The following OPCML variants were observed in gnomAD, a reference collection of about 807,000 sequenced individuals.
The protein encoded by OPCML is opioid binding protein/cell adhesion molecule like.
A neutral mutation model predicts 37.8 loss-of-function variants in OPCML; 13 were observed. The ratio of observed to expected loss-of-function variants is 0.34; its 90% CI spans 0.22 to 0.55. The LOEUF (loss-of-function observed/expected upper bound fraction) is 0.55. OPCML is among the 20% of genes least tolerant of loss of function. The pLI, the probability that OPCML is intolerant of heterozygous loss-of-function variation, is 0.91. For missense variants in OPCML, 341 were observed against 435.6 expected (o/e 0.78, Z 1.93); for synonymous variants, 176 against 168.8 (o/e 1.04, Z -0.33).
intron 1 of OPCML, among the ~76,000 whole-genome samples, chr11:133,110,739 C>T (rs772789517): frequency 1.3e-5 from 2 of 152,102 alleles, no homozygotes; most frequent in African/African-American, 4.8e-5. Flanking sequence ...TTTTTCCTAC[C>T]CCCAAACTTC....
intron 1 of OPCML, among the ~76,000 whole-genome samples, chr11:133,035,200 C>A (rs1233799546): frequency 6.6e-6 from 1 of 152,216 alleles, no homozygotes; most frequent in African/African-American, 2.4e-5. Flanking sequence ...GGAGGGTGTG[C>A]CGGGCGGCTT....
intron 2 of OPCML, among the ~76,000 whole-genome samples, chr11:132,914,318 A>G (rs563198854): frequency 3.3e-5 from 5 of 152,300 alleles, no homozygotes; most frequent in Admixed American, 2.0e-4. Context: ...TCCATTCTGA[A>G]CTTGGTAACA....
chr11:132,776,559 T>A (rs191646608), intron 2 of OPCML, among the ~76,000 whole-genome samples: 1 of 152,040 alleles, frequency 6.6e-6, no homozygotes. Context: ...TTTCAAAGAA[T>A]GTAGCACTTC....
chr11:133,067,976 T>C (rs2137003337), intron 1 of OPCML: 1 of 152,360 alleles, frequency 6.6e-6, no homozygotes, highest in South Asian at 2.1e-4. Flanking sequence ...ATCATTGCTA[T>C]TTTCTTCTCT....
intron 1 of OPCML, among the ~76,000 whole-genome samples, chr11:133,153,065 G>A (rs934856967): frequency 6.6e-6 from 1 of 152,152 alleles, no homozygotes; most frequent in Admixed American, 6.5e-5. Flanking sequence ...AAGGGGCACC[G>A]CGAGGGTCTT....
chr11:132,694,342 G>T (rs1299517454), intron 2 of OPCML, among the ~76,000 whole-genome samples: 1 of 151,870 alleles, frequency 6.6e-6, no homozygotes, highest in Non-Finnish European at 1.5e-5. Context: ...GGGACTACTG[G>T]TGCGTGCCAC....
chr11:132,672,187 G>C (rs1942505239), intron 2 of OPCML, among the ~76,000 whole-genome samples: 2 of 152,140 alleles, frequency 1.3e-5, no homozygotes, highest in African/African-American at 4.8e-5. Context: ...CAGGTACAAA[G>C]AGAAGGGTCC....
chr11:132,846,012 C>A (rs896380270), intron 2 of OPCML, among the ~76,000 whole-genome samples: 1 of 152,136 alleles, frequency 6.6e-6, no homozygotes, highest in Non-Finnish European at 1.5e-5. Context: ...TGAGAGCAAT[C>A]CCCCAGTCAC....
At chr11:133,493,764 C>T (rs1016358569) in intron 1 of OPCML, among the ~76,000 whole-genome samples, 17 of 151,966 alleles carry the variant, frequency 1.1e-4, no homozygotes, top group African/African-American at 4.1e-4. Flanking sequence ...ACATGAAGTC[C>T]CTGCCCATGC....
In OPCML at chr11:132,715,117, T is replaced by C. The variant is rs148906796; in HGVS notation, c.147-57798A>G. Among the ~76,000 whole-genome samples the C allele has an allele frequency of 6.3e-3, 960 of 152,314 alleles. 9 individuals carry two copies. The highest frequency in any genetic ancestry group is 0.022 in the African/African-American group (907 of 41,572). ...GCAGGAACTGTGACTCCACTGCTCC[T>C]CACTCTTATTTGACCTCATTCCTCC... On this transcript the variant is annotated intron_variant, in intron 2 of 7. Coordinates refer to ENST00000524381, the MANE Select transcript of OPCML (RefSeq NM_001012393.5).
At chr11:132,769,272 C>T (rs1385209760) in intron 2 of OPCML, among the ~76,000 whole-genome samples, 4 of 149,386 alleles carry the variant, frequency 2.7e-5, no homozygotes, top group Non-Finnish European at 3.0e-5. Context: ...GAGTCTCGCT[C>T]TGTTGCCCAG....
At chr11:133,333,090 G>A (rs557048451) in intron 1 of OPCML, among the ~76,000 whole-genome samples, 18 of 152,094 alleles carry the variant, frequency 1.2e-4, no homozygotes, top group African/African-American at 3.6e-4. Flanking sequence ...ACAGAGTCTC[G>A]TTTTGTTACC....
chr11:133,286,953 G>A (rs1412582145), intron 1 of OPCML, among the ~76,000 whole-genome samples: 1 of 152,166 alleles, frequency 6.6e-6, no homozygotes, highest in South Asian at 2.1e-4. Context: ...AAGGGCAAGG[G>A]CAAGATCTTG....
intron 2 of OPCML, among the ~76,000 whole-genome samples, chr11:132,714,418 G>A (rs1944389635): frequency 6.6e-6 from 1 of 152,196 alleles, no homozygotes; most frequent in African/African-American, 2.4e-5. Context: ...AGAGTAGAAA[G>A]TTCACACTTA....
At chr11:132,949,566 T>A (rs1456511468) in intron 1 of OPCML, among the ~76,000 whole-genome samples, 1 of 152,244 alleles carries the variant, frequency 6.6e-6, no homozygotes, top group African/African-American at 2.4e-5. Context: ...GGACATTATC[T>A]GCCTTATAGT....
intron 2 of OPCML, among the ~76,000 whole-genome samples, chr11:132,852,811 G>A (rs1941872815): frequency 6.6e-6 from 1 of 151,812 alleles, no homozygotes. Context: ...TATGGTGGGT[G>A]TCTACAGGTA....
chr11:133,013,728 C>G (rs1591911588), intron 1 of OPCML, among the ~76,000 whole-genome samples: 1 of 152,278 alleles, frequency 6.6e-6, no homozygotes, highest in East Asian at 1.9e-4. Flanking sequence ...AGCCCTGTAT[C>G]CCACTGAATC....
chr11:133,202,631 G>A (rs895531391), intron 1 of OPCML, among the ~76,000 whole-genome samples: 2 of 152,210 alleles, frequency 1.3e-5, no homozygotes, highest in Non-Finnish European at 2.9e-5. Context: ...ATGATTTCAA[G>A]GTAATGTTTC....
chr11:133,523,525 C>A (rs114075942), intron 1 of OPCML, among the ~76,000 whole-genome samples: 1 of 152,188 alleles, frequency 6.6e-6, no homozygotes, highest in South Asian at 2.1e-4. Flanking sequence ...CTAGTCTATC[C>A]CTTCCTGGTT....
Sources: gnomAD v4.1 joint callset for allele counts (sites outside exome capture counted in the v4.1 genomes callset) on GRCh38, gnomAD v4.1.1 for gene constraint, MANE v1.5 for transcripts, NCBI Gene and HGNC (gene_info 2026-07-23, HGNC 2026-07-21) for gene names.